Variants in SNTB2 observed in about 807,000 individuals in gnomAD.
The protein encoded by SNTB2 is syntrophin beta 2, also known as beta-2-syntrophin.
SNTB2 carries 34 observed loss-of-function variants against 46.2 expected under a neutral mutation model. The observed-to-expected ratio is 0.74, with a 90% CI of 0.56 to 0.98. The LOEUF is 0.98. Ranked by LOEUF, SNTB2 falls within the 50% of genes least tolerant of loss-of-function variation. The pLI, the probability that SNTB2 is intolerant of heterozygous loss-of-function variation, is 0.00. For missense variants in SNTB2, 603 were observed against 731.4 expected (o/e 0.82, Z 2.02); for synonymous variants, 290 against 312.6 (o/e 0.93, Z 0.76).
At chr16:69,235,599 A>T (rs1356087262) in intron 1 of SNTB2, 3 of 1,066,050 alleles carry the variant, frequency 2.8e-6, no homozygotes, top group Non-Finnish European at 3.6e-6. Flanking sequence ...GGGGGGAACT[A>T]AAAGGAAGGG....
intron 5 of SNTB2, among the ~76,000 whole-genome samples, chr16:69,295,862 A>G (rs1028996329): frequency 5.3e-5 from 8 of 152,152 alleles, no homozygotes; most frequent in Admixed American, 1.3e-4. Context: ...CTTAATCATC[A>G]TTGCATCACT....
intron 5 of SNTB2, 25 bp from the exon 6 acceptor site, chr16:69,299,565 A>G (rs942817592): frequency 6.2e-7 from 1 of 1,606,176 alleles, no homozygotes; most frequent in Non-Finnish European, 8.5e-7. Context: ...CTTTACAACT[A>G]ATGTTTTTTG....
At chr16:69,284,369 C>T (rs1486526134) in intron 5 of SNTB2, 125 bp downstream of exon 5, 13 of 562,474 alleles carry the variant, frequency 2.3e-5, no homozygotes, top group Non-Finnish European at 3.5e-5. Context: ...TCAGATTATA[C>T]TACTATATTT....
chr16:69,259,867 C>T (rs1373613462), intron 2 of SNTB2, among the ~76,000 whole-genome samples, 183 bp from the exon 3 acceptor site: 1 of 151,870 alleles, frequency 6.6e-6, no homozygotes, highest in Non-Finnish European at 1.5e-5. Context: ...GCCTTGGCCT[C>T]CCAAAGTGCT....
chr16:69,261,076 G>T (rs1964829870), intron 3 of SNTB2, among the ~76,000 whole-genome samples: 1 of 152,162 alleles, frequency 6.6e-6, no homozygotes, highest in South Asian at 2.1e-4. Context: ...GGACTAGGGG[G>T]TTCAGAGATG....
chr16:69,305,698 G>T lies in SNTB2; in HGVS notation c.*4774G>T, dbSNP rs1172490446. Reference sequence around the variant, plus strand: ...CAGGTATGACATTAATTACCAGGTGGTATTATACTCTACTTTGAGTTTGGA... The same window carrying T: ...CAGGTATGACATTAATTACCAGGTGTTATTATACTCTACTTTGAGTTTGGA... On this transcript the variant is annotated 3_prime_UTR_variant, in exon 7 of 7. Coordinates refer to ENST00000336278, the MANE Select transcript of SNTB2 (RefSeq NM_006750.4). 1 of 150,340 alleles carries T rather than the reference G, an allele frequency of 6.7e-6. No individual in the cohort carries two copies. Among genetic ancestry groups the T allele is most frequent in the Non-Finnish European group, 1.5e-5 (1 of 67,820 alleles). 9.3% of individuals were successfully genotyped at this position (150,340 alleles called of 1,614,324 possible).
chr16:69,256,195 A>AT (rs757899729), intron 2 of SNTB2, among the ~76,000 whole-genome samples: 152 of 152,092 alleles, frequency 1.0e-3, no homozygotes, highest in Non-Finnish European at 1.9e-3. Flanking sequence ...CAAAAAAAAA[A>AT]GTTTTGTAGA....
rs1157523331 is a variant in SNTB2 at position 69,301,212 on chromosome 16, ATGG to A, written c.*289_*291del. On this transcript the variant is annotated 3_prime_UTR_variant, in exon 7 of 7. Coordinates refer to ENST00000336278, the MANE Select transcript of SNTB2 (RefSeq NM_006750.4). Reference sequence around the variant, plus strand: ...AGGTTTATTTCTACTGCTAAAAAGAATGGCTCATTGTTTTCTTTTTTTTTCATT... The same window carrying A: ...AGGTTTATTTCTACTGCTAAAAAGAACTCATTGTTTTCTTTTTTTTTCATT... 3.8e-5 allele frequency: 10 copies of A among 262,114 alleles called. No individual in the cohort carries two copies. Among genetic ancestry groups the A allele is most frequent in the Non-Finnish European group, 6.6e-5 (9 of 135,774 alleles). 16.2% of individuals were successfully genotyped at this position (262,114 alleles called of 1,614,324 possible).
chr16:69,201,901 T>G (rs1055538123), intron 1 of SNTB2, among the ~76,000 whole-genome samples: 10 of 152,172 alleles, frequency 6.6e-5, no homozygotes, highest in African/African-American at 2.4e-4. Flanking sequence ...GAAAATTGCT[T>G]CAGGATATCA....
At chr16:69,227,827 T>G (rs2152294487) in intron 1 of SNTB2, among the ~76,000 whole-genome samples, 1 of 150,678 alleles carries the variant, frequency 6.6e-6, no homozygotes, top group Admixed American at 6.7e-5. Context: ...ATGGTTAGCT[T>G]GCTGTTTCTC....
chr16:69,229,203 ACT>A (rs1437807625), intron 1 of SNTB2, among the ~76,000 whole-genome samples: 3 of 151,890 alleles, frequency 2.0e-5, no homozygotes, highest in African/African-American at 7.3e-5. Flanking sequence ...ACAGGATCTC[ACT>A]CTGTCATTCA....
chr16:69,279,957 G>C (rs960564910), intron 4 of SNTB2, among the ~76,000 whole-genome samples: 9 of 152,118 alleles, frequency 5.9e-5, no homozygotes, highest in African/African-American at 2.2e-4. Context: ...AGGGTCAGCA[G>C]ATAAACAAGT....
chr16:69,206,793 T>C (rs2068296613), intron 1 of SNTB2, among the ~76,000 whole-genome samples: 1 of 151,926 alleles, frequency 6.6e-6, no homozygotes. Flanking sequence ...GAGACAGAGT[T>C]TTGCTCTTGT....
chr16:69,223,527 CTTTATGGT>C (rs996657034), intron 1 of SNTB2, among the ~76,000 whole-genome samples: 2 of 151,932 alleles, frequency 1.3e-5, no homozygotes, highest in Non-Finnish European at 2.9e-5. Context: ...ACTACAGTCT[CTTTATGGT>C]TTTCACCCAT....
intron 1 of SNTB2, among the ~76,000 whole-genome samples, chr16:69,238,168 C>T (rs1403707400): frequency 6.6e-6 from 1 of 152,162 alleles, no homozygotes; most frequent in African/African-American, 2.4e-5. Context: ...CCCAATAGGA[C>T]ATTGGAGGGA....
chr16:69,290,024 A>G (rs1343199795), intron 5 of SNTB2, among the ~76,000 whole-genome samples: 1 of 152,254 alleles, frequency 6.6e-6, no homozygotes, highest in African/African-American at 2.4e-5. Context: ...TGTTTTGGTT[A>G]TAGTTTACCC....
intron 5 of SNTB2, among the ~76,000 whole-genome samples, chr16:69,288,471 A>G (rs1965127500): frequency 1.3e-5 from 2 of 152,190 alleles, no homozygotes; most frequent in East Asian, 1.9e-4. Context: ...CTTTAAAGCC[A>G]TATAGCTGTA....
At chr16:69,247,070 TA>T (rs368384171) in intron 2 of SNTB2, among the ~76,000 whole-genome samples, 4,821 of 142,988 alleles carry the variant, frequency 0.034, 242 homozygotes, top group African/African-American at 0.11. Context: ...ATATATATAT[TA>T]AAAAAAAAAA....
At chr16:69,279,464 G>C (rs1160608539) in intron 4 of SNTB2, among the ~76,000 whole-genome samples, 4 of 143,174 alleles carry the variant, frequency 2.8e-5, no homozygotes, top group African/African-American at 1.0e-4. Flanking sequence ...ATATGTTCAA[G>C]ATCTTGTTTT....
Sources: allele counts gnomAD v4.1 joint callset (sites outside exome capture counted in the v4.1 genomes callset), GRCh38; gene constraint gnomAD v4.1.1; transcripts MANE v1.5; gene names NCBI Gene and HGNC (gene_info 2026-07-23, HGNC 2026-07-21).